Variants in SFRP1 observed in about 807,000 individuals in gnomAD.
SFRP1 encodes the protein secreted frizzled-related protein 1.
A neutral mutation model predicts 25.9 loss-of-function variants in SFRP1; 9 were observed. The observed-to-expected ratio is 0.35, with a 90% CI of 0.21 to 0.61. The LOEUF (loss-of-function observed/expected upper bound fraction) is 0.61, where lower values mean the gene tolerates loss of function less well. SFRP1 is among the 20% of genes least tolerant of loss of function. SFRP1 has a pLI of 0.78. For synonymous variants in SFRP1, 178 were observed against 174.0 expected, an observed-to-expected ratio of 1.02 and a Z score of -0.18; for missense variants, 346 against 418.2, an observed-to-expected ratio of 0.83 and a Z score of 1.51.
At chr8:41,292,058 G>A (rs563668709) in intron 2 of SFRP1, among the ~76,000 whole-genome samples, 11 of 152,050 alleles carry the variant, frequency 7.2e-5, no homozygotes, top group African/African-American at 2.4e-4. Context: ...CACTCATAAC[G>A]CAACTTCAAA....
intron 2 of SFRP1, among the ~76,000 whole-genome samples, chr8:41,281,791 C>T (rs554788670): frequency 1.1e-4 from 17 of 152,340 alleles, no homozygotes; most frequent in South Asian, 6.2e-4. Context: ...ACATGGCCAA[C>T]TGGGAAAGGC....
At chr8:41,274,401 A>C (rs1281896441) in intron 2 of SFRP1, among the ~76,000 whole-genome samples, 1 of 152,234 alleles carries the variant, frequency 6.6e-6, no homozygotes, top group Non-Finnish European at 1.5e-5. Flanking sequence ...CAGGAAAAAC[A>C]AAATGATGTA....
At chr8:41,306,350 T>A (rs1803996185) in intron 1 of SFRP1, among the ~76,000 whole-genome samples, 1 of 152,166 alleles carries the variant, frequency 6.6e-6, no homozygotes, top group African/African-American at 2.4e-5. Flanking sequence ...GCATAAAGAA[T>A]AAACGAATAA....
chr8:41,295,508 G>A (rs1468188230), intron 2 of SFRP1, among the ~76,000 whole-genome samples: 4 of 146,124 alleles, frequency 2.7e-5, no homozygotes, highest in Non-Finnish European at 5.9e-5. Context: ...CAGCCTCAGC[G>A]ACAAGAGCAA....
At chr8:41,300,502 T>C (rs1263385066) in intron 2 of SFRP1, among the ~76,000 whole-genome samples, 2 of 152,094 alleles carry the variant, frequency 1.3e-5, no homozygotes, top group African/African-American at 4.8e-5. Context: ...CCATGCAAAT[T>C]TCCCCCAGGA....
At chr8:41,288,596 C>A (rs547120140) in intron 2 of SFRP1, among the ~76,000 whole-genome samples, 2 of 143,458 alleles carry the variant, frequency 1.4e-5, no homozygotes, top group Admixed American at 7.1e-5. Context: ...GTTTCCAGGA[C>A]TCTTCCATAC....
Position 41,265,112 on chromosome 8 carries a change from T to TCCCCCCCCCGCCCCCCCC in SFRP1, c.*54_*55insGGGGGGGGCGGGGGGGGG. 1.9e-6 allele frequency: 1 copy of TCCCCCCCCCGCCCCCCCC among 517,774 alleles called. No homozygotes were observed. Among genetic ancestry groups the TCCCCCCCCCGCCCCCCCC allele is most frequent in the East Asian group, 3.6e-5 (1 of 28,056 alleles). The allele number at this position is 517,774 out of a possible 1,614,324, so 32.1% of individuals were successfully genotyped here. On this transcript the variant is annotated 3_prime_UTR_variant, in exon 3 of 3. Transcript: ENST00000220772. ...GACCCACCGGGTTCCCGGGGCACTG[T>TCCCCCCCCCGCCCCCCCC]CCCCCCCGCTCCCACCCCACCCGAG...
At chr8:41,306,665 G>A in intron 1 of SFRP1, 2 of 1,570,526 alleles carry the variant, frequency 1.3e-6, no homozygotes, top group Non-Finnish European at 8.6e-7. Context: ...CTCCCGACCG[G>A]CCCTCTCCCC....
At chr8:41,297,422 A>C (rs1803857283) in intron 2 of SFRP1, among the ~76,000 whole-genome samples, 1 of 152,314 alleles carries the variant, frequency 6.6e-6, no homozygotes. Context: ...CCAGAGAATT[A>C]ACTAGCATAT....
rs1193851920 is a variant in SFRP1, at chr8:41,292,037, G to A, written c.622+11424C>T. The stretch of plus-strand genomic sequence containing the variant: ...CTACGTGGCCAGCCCGAGGCTCACT[G>A]CAGGGCTTCCCACTCATAACGCAAC... On this transcript the variant is annotated intron_variant, in intron 2 of 2. Coordinates refer to ENST00000220772, the MANE Select transcript of SFRP1 (RefSeq NM_003012.5). Among the ~76,000 whole-genome samples, 4 of 152,270 alleles carry A rather than the reference G, an allele frequency of 2.6e-5. No individual in the cohort carries two copies. The East Asian group carries it at 7.8e-4, about 30-fold the overall frequency.
chr8:41,296,739 C>T (rs1179133857), intron 2 of SFRP1, among the ~76,000 whole-genome samples: 1 of 152,116 alleles, frequency 6.6e-6, no homozygotes, highest in Non-Finnish European at 1.5e-5. Context: ...CAAAGGGGCT[C>T]TGAAGTCCCT....
At chr8:41,279,610 G>C (rs1585509879) in intron 2 of SFRP1, among the ~76,000 whole-genome samples, 1 of 152,120 alleles carries the variant, frequency 6.6e-6, no homozygotes. Flanking sequence ...CTCTGTCTTG[G>C]GGGTTCCCTT....
intron 2 of SFRP1, among the ~76,000 whole-genome samples, chr8:41,268,982 T>C (rs1346686803): frequency 6.6e-6 from 1 of 152,226 alleles, no homozygotes; most frequent in Admixed American, 6.5e-5. Flanking sequence ...TCCTGGGTTC[T>C]TCTCTGAGTC....
intron 2 of SFRP1, 65 bp downstream of exon 2, chr8:41,303,396 G>A (rs1025458615): frequency 9.0e-5 from 108 of 1,197,402 alleles, no homozygotes; most frequent in Non-Finnish European, 1.2e-4. Flanking sequence ...CAGGGCCTCC[G>A]TCTGGCAGAG....
chr8:41,306,700 C>T (rs1447576490), intron 1 of SFRP1: 1 of 1,596,050 alleles, frequency 6.3e-7, no homozygotes, highest in Non-Finnish European at 8.5e-7. Flanking sequence ...TCCTCAAAGA[C>T]CTGTCTTGGG....
At chr8:41,299,654 C>T in intron 2 of SFRP1, among the ~76,000 whole-genome samples, 1 of 112,536 alleles carries the variant, frequency 8.9e-6, no homozygotes. Flanking sequence ...TAGAGCGAGA[C>T]TTAGTCTCAA....
intron 2 of SFRP1, among the ~76,000 whole-genome samples, chr8:41,302,389 G>C (rs1354959876): frequency 6.6e-6 from 1 of 152,194 alleles, no homozygotes; most frequent in Non-Finnish European, 1.5e-5. Context: ...TACTTTGACA[G>C]GGCAGGAACA....
Position 41,263,552 on chromosome 8 carries a change from C to A in SFRP1, c.*1615G>T, listed in dbSNP as rs528078506. 1 of 152,362 alleles carries A rather than the reference C, an allele frequency of 6.6e-6. No homozygotes were observed. The highest frequency in any genetic ancestry group is 6.5e-5 in the Admixed American group (1 of 15,304). The allele number at this position is 152,362 out of a possible 1,614,324, so 9.4% of individuals were successfully genotyped here. On this transcript the variant is annotated 3_prime_UTR_variant, in exon 3 of 3. Coordinates refer to ENST00000220772, the MANE Select transcript of SFRP1 (RefSeq NM_003012.5). ...TTACAGCCTCACTGCAGCATCCTCA[C>A]TGGGTATAAGCATTGGCCCAGAGGG...
In SFRP1 at chr8:41,265,312, T is replaced by C; in HGVS notation, c.800A>G (p.His267Arg). 6.2e-7 allele frequency: 1 copy of C among 1,614,180 alleles called. No homozygotes were observed. Among genetic ancestry groups the C allele is most frequent in the Non-Finnish European group, 8.5e-7 (1 of 1,180,032 alleles). Reference protein sequence around the residue: ...PCHQLDNLSHHFLIMGRKVKS... With the variant: ...PCHQLDNLSHRFLIMGRKVKS... Reference sequence around the variant, plus strand: ...CACCTTGCGGCCCATGATGAGGAAGTGGTGGCTGAGGTTGTCCAGCTGGTG... The same window carrying C: ...CACCTTGCGGCCCATGATGAGGAAGCGGTGGCTGAGGTTGTCCAGCTGGTG... Residue 267 changes from histidine (H) to arginine (R), a missense_variant, in exon 3 of 3, where the codon CAC (histidine) becomes CGC (arginine). Physicochemically the swap from His to Arg is conservative, Grantham distance 29 (BLOSUM62 0). Transcript: ENST00000220772.
Sources: allele counts gnomAD v4.1 joint callset (sites outside exome capture counted in the v4.1 genomes callset), GRCh38; gene constraint gnomAD v4.1.1; transcripts MANE v1.5; gene names NCBI Gene and HGNC (gene_info 2026-07-23, HGNC 2026-07-21).